TMPRSS11E: variants seen among roughly 807,000 people sequenced by gnomAD.
The protein encoded by TMPRSS11E is transmembrane serine protease 11E, also known as transmembrane protease serine 11E.
TMPRSS11E carries 38 observed loss-of-function variants against 48.1 expected under a neutral mutation model. That is an observed-to-expected ratio of 0.79 (90% CI 0.61 to 1.04). The LOEUF (loss-of-function observed/expected upper bound fraction) is 1.04, where lower values mean the gene tolerates loss of function less well. TMPRSS11E is among the 50% of genes least tolerant of loss of function. TMPRSS11E has a pLI of 0.00. For missense variants in TMPRSS11E, 530 were observed against 510.8 expected, an observed-to-expected ratio of 1.04 and a Z score of -0.36; for synonymous variants, 158 against 171.9, an observed-to-expected ratio of 0.92 and a Z score of 0.63.
At chr4:68,479,022 T>C in intron 9 of TMPRSS11E, 31 bp downstream of exon 9, 4 of 1,604,186 alleles carry the variant, frequency 2.5e-6, no homozygotes, top group South Asian at 1.1e-5. Flanking sequence ...GTAGGTTGTG[T>C]AATTTTTTGT....
chr4:68,472,304 A>G (rs538799391), intron 5 of TMPRSS11E, among the ~76,000 whole-genome samples: 1 of 152,114 alleles, frequency 6.6e-6, no homozygotes, highest in East Asian at 1.9e-4. Flanking sequence ...ATAATGTTAC[A>G]TTTTCTAGAA....
intron 9 of TMPRSS11E, among the ~76,000 whole-genome samples, chr4:68,480,632 G>A (rs1729375778): frequency 6.6e-6 from 1 of 151,892 alleles, no homozygotes; most frequent in African/African-American, 2.4e-5. Flanking sequence ...CTCAGTGTTG[G>A]TATCTGTTGA....
intron 9 of TMPRSS11E, among the ~76,000 whole-genome samples, chr4:68,489,597 G>A (rs1434255688): frequency 6.6e-6 from 1 of 152,244 alleles, no homozygotes; most frequent in Non-Finnish European, 1.5e-5. Flanking sequence ...GAGGCTGCCA[G>A]TGAGTGCATG....
At chr4:68,486,369 C>A (rs1248073271) in intron 9 of TMPRSS11E, among the ~76,000 whole-genome samples, 5 of 152,180 alleles carry the variant, frequency 3.3e-5, no homozygotes, top group African/African-American at 7.2e-5. Flanking sequence ...CAAAGAATTT[C>A]TTGCTTTCTG....
intron 2 of TMPRSS11E, 89 bp downstream of exon 2, chr4:68,462,034 T>C (rs142098345): frequency 0.018 from 26,640 of 1,512,768 alleles, 351 homozygotes; most frequent in South Asian, 0.047. Context: ...CTTATTCATT[T>C]ATCACTACGA....
At chr4:68,464,655 T>G (rs1235477826) in intron 2 of TMPRSS11E, among the ~76,000 whole-genome samples, 1 of 152,226 alleles carries the variant, frequency 6.6e-6, no homozygotes, top group African/African-American at 2.4e-5. Flanking sequence ...AATAAATTGT[T>G]AACTTGGTTA....
chr4:68,492,839 TA>T (rs1330477383), intron 9 of TMPRSS11E, among the ~76,000 whole-genome samples: 2 of 152,162 alleles, frequency 1.3e-5, no homozygotes, highest in African/African-American at 4.8e-5. Flanking sequence ...CTACCATGAA[TA>T]ATGAGAATAA....
intron 9 of TMPRSS11E, among the ~76,000 whole-genome samples, chr4:68,494,511 C>T (rs942003581): frequency 2.6e-5 from 4 of 152,052 alleles, no homozygotes; most frequent in African/African-American, 9.7e-5. Flanking sequence ...AATCTATTCC[C>T]TCATTTCTTT....
At chr4:68,462,815 T>C (rs1056206986) in intron 2 of TMPRSS11E, among the ~76,000 whole-genome samples, 1 of 152,184 alleles carries the variant, frequency 6.6e-6, no homozygotes, top group Non-Finnish European at 1.5e-5. Context: ...TATAAAGATG[T>C]TCACCCTGCG....
intron 4 of TMPRSS11E, among the ~76,000 whole-genome samples, chr4:68,470,547 T>C (rs551464064): frequency 3.3e-5 from 5 of 151,900 alleles, no homozygotes; most frequent in Non-Finnish European, 4.4e-5. Flanking sequence ...TGCATTTGAA[T>C]GTTTAATTTC....
Position 68,471,639 on chromosome 4 carries a change from T to A in TMPRSS11E, c.490+16T>A. 2 of 1,547,918 alleles carry A rather than the reference T, an allele frequency of 1.3e-6. No individual in the cohort carries two copies. Among genetic ancestry groups the A allele is most frequent in the Non-Finnish European group, 1.7e-6 (2 of 1,151,270 alleles). ...AAAATTAAAAGTAAGTTAATTTCTC[T>A]TATTTTTCTTTCATAGAACAGCTTC... On this transcript the variant is annotated intron_variant, in intron 5 of 9. Coordinates refer to ENST00000305363, the MANE Select transcript of TMPRSS11E (RefSeq NM_014058.4).
intron 1 of TMPRSS11E, among the ~76,000 whole-genome samples, chr4:68,457,699 T>C (rs1728671887): frequency 6.6e-6 from 1 of 152,038 alleles, no homozygotes; most frequent in Admixed American, 6.6e-5. Flanking sequence ...TCTTCAATGA[T>C]AGACTGGATA....
At chr4:68,457,019 C>A (rs998919598) in intron 1 of TMPRSS11E, among the ~76,000 whole-genome samples, 33 of 151,996 alleles carry the variant, frequency 2.2e-4, no homozygotes, top group Non-Finnish European at 4.0e-4. Context: ...ACTAAAACAC[C>A]AAAAGCAATG....
chr4:68,492,130 A>G (rs935840950), intron 9 of TMPRSS11E, among the ~76,000 whole-genome samples: 7 of 152,220 alleles, frequency 4.6e-5, no homozygotes, highest in Admixed American at 4.6e-4. Flanking sequence ...CCATTACCAC[A>G]CACTACTAAA....
chr4:68,478,932 G>T lies in TMPRSS11E; in HGVS notation c.1051G>T (p.Ala351Ser). Residue 351 changes from alanine (A) to serine (S), a missense_variant, in exon 9 of 10, where the codon GCC becomes TCC. Coordinates refer to ENST00000305363, the MANE Select transcript of TMPRSS11E (RefSeq NM_014058.4). ...TCNEPQAYND[A>S]ITPRMLCAGS... ...CAATGAACCTCAAGCTTACAATGAC[G>T]CCATAACTCCTAGAATGTTATGTGC... 1.2e-6 allele frequency: 2 copies of T among 1,613,894 alleles called. No homozygotes were observed. The highest frequency in any genetic ancestry group is 1.7e-6 in the Non-Finnish European group (2 of 1,179,950).
rs549804999 is a variant in TMPRSS11E at position 68,457,591 on chromosome 4, T to G, written c.12-4230T>G. Among the ~76,000 whole-genome samples the G allele has an allele frequency of 2.0e-5, 3 of 152,270 alleles. No homozygotes were observed. The South Asian group carries it at 6.2e-4, about 32-fold the overall frequency. ...TAAATCATGCTACTATAAAGACACA[T>G]GCACACGTATGTTTATTGCGGCACT... is the stretch of plus-strand genomic sequence containing the variant. On this transcript the variant is annotated intron_variant, in intron 1 of 9. Coordinates refer to ENST00000305363, the MANE Select transcript of TMPRSS11E (RefSeq NM_014058.4).
chr4:68,493,048 T>A (rs1343054680), intron 9 of TMPRSS11E, among the ~76,000 whole-genome samples: 1 of 152,178 alleles, frequency 6.6e-6, no homozygotes, highest in South Asian at 2.1e-4. Flanking sequence ...ATAGTCTCTA[T>A]AGTAATGTCC....
chr4:68,467,202 CT>C (rs1222296968), intron 3 of TMPRSS11E, among the ~76,000 whole-genome samples: 7 of 152,220 alleles, frequency 4.6e-5, no homozygotes, highest in African/African-American at 1.4e-4. Flanking sequence ...GTATATAAAT[CT>C]GTAGTAAATC....
intron 1 of TMPRSS11E, among the ~76,000 whole-genome samples, chr4:68,453,609 A>G (rs1219314187): frequency 6.6e-6 from 1 of 151,972 alleles, no homozygotes; most frequent in Non-Finnish European, 1.5e-5. Flanking sequence ...GAATTAGTAA[A>G]TACACGTCTT....
Sources: allele counts gnomAD v4.1 joint callset (sites outside exome capture counted in the v4.1 genomes callset), GRCh38; gene constraint gnomAD v4.1.1; transcripts MANE v1.5; gene names NCBI Gene and HGNC (gene_info 2026-07-23, HGNC 2026-07-21).